Variants in ABCA12 observed in about 807,000 individuals in gnomAD.
ABCA12 encodes the protein ATP binding cassette subfamily A member 12, also known as glucosylceramide transporter ABCA12.
In ABCA12, 156 loss-of-function variants were observed where a neutral mutation model predicts 293.5. That is an observed-to-expected ratio of 0.53 (90% CI 0.47 to 0.61). The LOEUF (loss-of-function observed/expected upper bound fraction) is 0.61. Among genes scored for constraint, ABCA12 ranks in the 20% least tolerant of loss-of-function variants. The pLI is 0.00. For synonymous variants in ABCA12, 1,063 were observed against 1,108.0 expected, an observed-to-expected ratio of 0.96 and a Z score of 0.81; for missense variants, 2,797 against 3,090.2, an observed-to-expected ratio of 0.91 and a Z score of 2.25.
chr2:215,071,616 TTCCACATC>T (rs1701739981), intron 2 of ABCA12, among the ~76,000 whole-genome samples: 1 of 152,170 alleles, frequency 6.6e-6, no homozygotes, highest in Non-Finnish European at 1.5e-5. Flanking sequence ...AGGACTCTAT[TTCCACATC>T]TCCCAAATTG....
At chr2:214,991,314 A>C (rs556818232) in intron 23 of ABCA12, among the ~76,000 whole-genome samples, 1 of 152,324 alleles carries the variant, frequency 6.6e-6, no homozygotes, top group Non-Finnish European at 1.5e-5. Context: ...TACCCAGCTG[A>C]CATCTCTAGA....
intron 32 of ABCA12, among the ~76,000 whole-genome samples, 154 bp from the exon 33 acceptor site, chr2:214,978,620 G>A (rs554503901): frequency 8.7e-4 from 133 of 152,218 alleles, no homozygotes; most frequent in South Asian, 3.9e-3. Context: ...TAAAAGATAC[G>A]TGCTGTCTAG....
At chr2:215,098,015 G>C (rs1038801753) in intron 2 of ABCA12, among the ~76,000 whole-genome samples, 14 of 152,052 alleles carry the variant, frequency 9.2e-5, no homozygotes, top group Non-Finnish European at 2.1e-4. Flanking sequence ...GCTAATTAAA[G>C]CTAACAGGAT....
At chr2:214,987,391 G>C (rs1283185067) in intron 27 of ABCA12, among the ~76,000 whole-genome samples, 1 of 152,078 alleles carries the variant, frequency 6.6e-6, no homozygotes, top group African/African-American at 2.4e-5. Context: ...TTCTCTGTGT[G>C]AGTCTAACTG....
At chr2:215,138,049 C>A in intron 1 of ABCA12, 91 bp downstream of exon 1, 1 of 1,308,574 alleles carries the variant, frequency 7.6e-7, no homozygotes, top group East Asian at 2.3e-5. Flanking sequence ...CCTTTAAACT[C>A]TTCTGTTTTC....
In ABCA12 at chr2:214,956,569, A is replaced by G. The variant is rs905558350; in HGVS notation, c.6233+94T>C. 1.5e-5 allele frequency: 14 copies of G among 904,822 alleles called. No homozygotes were observed. The African/African-American group carries it at 2.0e-4, about 13-fold the overall frequency. The allele number at this position is 904,822 out of a possible 1,614,324, so 56.0% of individuals were successfully genotyped here. A position where few individuals can be genotyped will look rare whatever the true frequency, so the allele number is the denominator to read the frequency against. On this transcript the variant is annotated intron_variant, in intron 42 of 52. Transcript: ENST00000272895. Reference sequence around the variant, plus strand: ...CTCATGTCAAATGAAACCCCAAGACAATTGTAATTTAGCTAATGAGATTTA... The same window carrying G: ...CTCATGTCAAATGAAACCCCAAGACGATTGTAATTTAGCTAATGAGATTTA...
At chr2:214,937,189 G>GTTTGTT (rs200203396) in intron 51 of ABCA12, among the ~76,000 whole-genome samples, 3 of 151,888 alleles carry the variant, frequency 2.0e-5, no homozygotes, top group African/African-American at 4.8e-5. Context: ...TTGGTTTTTT[G>GTTTGTT]TTTGTTTTTG....
intron 2 of ABCA12, among the ~76,000 whole-genome samples, chr2:215,102,971 T>C (rs78767392): frequency 0.037 from 5,603 of 152,310 alleles, 336 homozygotes; most frequent in African/African-American, 0.13. Context: ...CTTGAACAAT[T>C]ATTGATCTTG....
intron 1 of ABCA12, among the ~76,000 whole-genome samples, chr2:215,117,487 G>C (rs1410762390): frequency 6.6e-6 from 1 of 152,090 alleles, no homozygotes. Flanking sequence ...TAACAAAATT[G>C]AATTATCTAG....
intron 2 of ABCA12, among the ~76,000 whole-genome samples, chr2:215,100,651 A>G (rs918216715): frequency 3.9e-5 from 6 of 152,094 alleles, no homozygotes; most frequent in Admixed American, 2.0e-4. Flanking sequence ...CCCATAATCT[A>G]TCTTGTGTGT....
At position 214,972,680 on chromosome 2, in the gene ABCA12, G is replaced by A. The variant is rs941543598; in HGVS notation, c.5562+1269C>T. 2.0e-5 allele frequency among the ~76,000 whole-genome samples: 3 copies of A among 152,004 alleles called. No homozygotes were observed. In the South Asian group the frequency reaches 6.2e-4, roughly 31 times the overall value. ...ACCTCCCAAAGTACTGGGATTACAG[G>A]CATGAGCCACTGCACCTGGCCTAGA... On this transcript the variant is annotated intron_variant, in intron 36 of 52. Transcript: ENST00000272895.
In ABCA12 at chr2:214,997,763, C is replaced by T. The variant is rs1026172091; in HGVS notation, c.3226G>A (p.Ala1076Thr). The change falls in exon 23 of 53, where the codon GCC becomes ACC. Residue 1076 changes from alanine (A) to threonine (T), a missense_variant. Ala to Thr is a moderately conservative substitution (Grantham distance 58, BLOSUM62 0). Coordinates refer to ENST00000272895, the MANE Select transcript of ABCA12 (RefSeq NM_173076.3). ...AAGGCAGCTATAAATACAACCCAGG[C>T]AACCATAAGCACAATTGGAAGAGAA... is the stretch of plus-strand genomic sequence containing the variant. ...SYSLPIVLMV[A>T]WVVFIAAFVK... The T allele has an allele frequency of 2.5e-6, 4 of 1,613,378 alleles. No homozygotes were observed. Among genetic ancestry groups the T allele is most frequent in the Non-Finnish European group, 3.4e-6 (4 of 1,179,688 alleles).
At chr2:215,017,290 C>G (rs1700525659) in intron 14 of ABCA12, among the ~76,000 whole-genome samples, 1 of 152,178 alleles carries the variant, frequency 6.6e-6, no homozygotes, top group Non-Finnish European at 1.5e-5. Flanking sequence ...ATTTCCATGA[C>G]ACTTCCAGAC....
At position 215,000,821 on chromosome 2, in the gene ABCA12, A is replaced by G; in HGVS notation, c.3063T>C (p.Phe1021=). 1 of 1,614,154 alleles carries G rather than the reference A, an allele frequency of 6.2e-7. No homozygotes were observed. The highest frequency in any genetic ancestry group is 1.1e-5 in the South Asian group (1 of 91,078). ...PSHNQIYGRA[F]IYLQDSIERA... The stretch of plus-strand genomic sequence containing the variant: ...TTTCAATACTATCCTGTAAATAAAT[A>G]AAAGCCCTGCCATAGATCTGGTTGT... The change falls in exon 22 of 53, where the codon TTT becomes TTC. Residue 1021 remains phenylalanine, a synonymous_variant. Transcript: ENST00000272895.
chr2:215,068,286 C>T (rs1450537022), intron 2 of ABCA12, among the ~76,000 whole-genome samples: 1 of 152,112 alleles, frequency 6.6e-6, no homozygotes, highest in African/African-American at 2.4e-5. Context: ...GTTTGGGAAC[C>T]ACTGGATTAG....
intron 45 of ABCA12, among the ~76,000 whole-genome samples, chr2:214,949,377 T>TATACACACACAC (rs1021376185): frequency 2.8e-5 from 4 of 143,074 alleles, no homozygotes; most frequent in African/African-American, 1.1e-4. Flanking sequence ...TATATATATA[T>TATACACACACAC]ACACACACAC....
intron 50 of ABCA12, among the ~76,000 whole-genome samples, chr2:214,938,881 C>A (rs1698307450): frequency 6.6e-6 from 1 of 152,060 alleles, no homozygotes; most frequent in Non-Finnish European, 1.5e-5. Context: ...GGATAGATTG[C>A]AAAAATTTTC....
intron 7 of ABCA12, among the ~76,000 whole-genome samples, chr2:215,038,791 C>A (rs554070836): frequency 6.6e-6 from 1 of 152,286 alleles, no homozygotes; most frequent in African/African-American, 2.4e-5. Context: ...AATCTTTCAG[C>A]ATTATTATCA....
intron 30 of ABCA12, among the ~76,000 whole-genome samples, chr2:214,981,717 A>T (rs529320753): frequency 8.6e-5 from 13 of 150,742 alleles, no homozygotes; most frequent in Admixed American, 1.3e-4. Flanking sequence ...AATAAATTTT[A>T]AAATTTTTAA....
Sources: allele counts gnomAD v4.1 joint callset (sites outside exome capture counted in the v4.1 genomes callset), GRCh38; gene constraint gnomAD v4.1.1; transcripts MANE v1.5; gene names NCBI Gene and HGNC (gene_info 2026-07-23, HGNC 2026-07-21).